Variants in TMEM63C observed in about 807,000 individuals in gnomAD.
TMEM63C encodes the protein osmosensitive cation channel TMEM63C.
Under a neutral mutation model 99.2 loss-of-function variants are expected in TMEM63C, and 32 were observed. That is an observed-to-expected ratio of 0.32 (90% CI 0.24 to 0.43). The LOEUF (loss-of-function observed/expected upper bound fraction) is 0.43, where lower values mean the gene tolerates loss of function less well. Ranked by LOEUF, TMEM63C falls within the 20% of genes least tolerant of loss-of-function variation. TMEM63C has a pLI of 1.00. For synonymous variants in TMEM63C, 376 were observed against 397.9 expected, an observed-to-expected ratio of 0.94 and a Z score of 0.66; for missense variants, 826 against 1,053.0, an observed-to-expected ratio of 0.78 and a Z score of 2.98.
chr14:77,218,737 C>G, intron 2 of TMEM63C, 64 bp from the exon 3 acceptor site: 1 of 1,554,412 alleles, frequency 6.4e-7, no homozygotes. Flanking sequence ...CCCCATCGGG[C>G]TTCTGTGTTT....
chr14:77,206,437 G>A (rs1044537818), intron 1 of TMEM63C, among the ~76,000 whole-genome samples: 1 of 152,256 alleles, frequency 6.6e-6, no homozygotes, highest in African/African-American at 2.4e-5. Flanking sequence ...TCAGGCAGAC[G>A]CCCAGGGACC....
chr14:77,218,910 C>A lies in TMEM63C; in HGVS notation c.97C>A (p.Gln33Lys). ...FQSRNTVLQGQPFGGVPTVLC... is the reference protein window; with the variant it reads ...FQSRNTVLQGKPFGGVPTVLC... ...GTCTCGGAACACCGTCCTCCAGGGG[C>A]AGCCCTTTGGGGGTGTCCCCACCGT... Residue 33 changes from glutamine to lysine, a missense_variant, in exon 3 of 24, where the codon CAG becomes AAG. Gln to Lys is a moderately conservative substitution (Grantham distance 53, BLOSUM62 1). Coordinates refer to ENST00000298351, the MANE Select transcript of TMEM63C (RefSeq NM_020431.4). 6.2e-7 allele frequency: 1 copy of A among 1,611,424 alleles called. No homozygotes were observed. The highest frequency in any genetic ancestry group is 8.5e-7 in the Non-Finnish European group (1 of 1,178,834).
At chr14:77,192,671 A>G (rs1013928248) in intron 1 of TMEM63C, among the ~76,000 whole-genome samples, 2 of 152,160 alleles carry the variant, frequency 1.3e-5, no homozygotes, top group Non-Finnish European at 2.9e-5. Context: ...CTGAGGCAGG[A>G]GAGTCACTTG....
At position 77,256,574 on chromosome 14, in the gene TMEM63C, G is replaced by A. The variant is rs544095975; in HGVS notation, c.2269G>A (p.Ala757Thr). Residue 757 changes from alanine to threonine, a missense_variant, in exon 24 of 24, where the codon GCC (alanine) becomes ACC (threonine). Transcript: ENST00000298351. The stretch of plus-strand genomic sequence containing the variant: ...AGAACCGGAGTTGAATCTGACCCCC[G>A]CCTCCTCCCCAGCCAGGCACACCTA... ...LQEPELNLTP[A>T]SSPARHTYGT... is the part of the protein sequence containing the mutation. The A allele has an allele frequency of 1.1e-5, 18 of 1,613,970 alleles. No individual in the cohort carries two copies. Among genetic ancestry groups the A allele is most frequent in the African/African-American group, 1.1e-4 (8 of 75,028 alleles).
At position 77,194,493 on chromosome 14, in the gene TMEM63C, T is replaced by TTTTCTTTC. The variant is rs756926975; in HGVS notation, c.-77+12653_-77+12660dup. Among the ~76,000 whole-genome samples the TTTTCTTTC allele has an allele frequency of 2.1e-3, 102 of 48,734 alleles. 1 individual carries two copies. The highest frequency in any genetic ancestry group is 6.2e-3 in the African/African-American group (96 of 15,430). 32.0% of individuals were successfully genotyped at this position (48,734 alleles called of 152,430 possible). ...CAGGGACATCCATGCCATATTTCTT[T>TTTTCTTTC]TTTCTTTCTTTCTTTCTTTCTTTCT... On this transcript the variant is annotated intron_variant, in intron 1 of 23. Coordinates refer to ENST00000298351, the MANE Select transcript of TMEM63C (RefSeq NM_020431.4).
intron 5 of TMEM63C, among the ~76,000 whole-genome samples, chr14:77,224,039 C>T (rs1594859691): frequency 6.6e-6 from 1 of 152,030 alleles, no homozygotes; most frequent in Non-Finnish European, 1.5e-5. Context: ...TATTTCCCTT[C>T]CTTGCTCTGA....
At chr14:77,239,807 G>C (rs1034236614) in intron 12 of TMEM63C, 81 bp downstream of exon 12, 1 of 1,539,498 alleles carries the variant, frequency 6.5e-7, no homozygotes, top group Non-Finnish European at 8.8e-7. Context: ...TGCCCGCACT[G>C]TTGGGCCCCA....
chr14:77,196,976 G>A (rs1393184916), intron 1 of TMEM63C, among the ~76,000 whole-genome samples: 1 of 152,156 alleles, frequency 6.6e-6, no homozygotes, highest in Non-Finnish European at 1.5e-5. Context: ...CTTTGCAAAA[G>A]GAACATTGAC....
At chr14:77,216,066 G>A (rs28520540) in intron 2 of TMEM63C, among the ~76,000 whole-genome samples, 2,699 of 152,176 alleles carry the variant, frequency 0.018, 88 homozygotes, top group African/African-American at 0.062. Context: ...GATAGAGAGG[G>A]AGATAGAGAG....
rs573779600 is a variant in TMEM63C at position 77,232,722 on chromosome 14, A to G, written c.494-730A>G. On this transcript the variant is annotated intron_variant, in intron 7 of 23. Coordinates refer to ENST00000298351, the MANE Select transcript of TMEM63C (RefSeq NM_020431.4). ...GATATACATAGTAGGTGCTCAATGA[A>G]TAGCAGCTAGTATTTCATTTAGAAT... Among the ~76,000 whole-genome samples, 3 of 152,354 alleles carry G rather than the reference A, an allele frequency of 2.0e-5. No homozygotes were observed. The East Asian group carries it at 5.8e-4, about 29-fold the overall frequency.
At chr14:77,183,282 G>A (rs573761985) in intron 1 of TMEM63C, among the ~76,000 whole-genome samples, 4 of 152,114 alleles carry the variant, frequency 2.6e-5, no homozygotes, top group African/African-American at 9.7e-5. Context: ...TCTTCTCTTC[G>A]CACCCCACAG....
chr14:77,202,096 G>T (rs1364853233), intron 1 of TMEM63C, among the ~76,000 whole-genome samples: 2 of 152,256 alleles, frequency 1.3e-5, no homozygotes, highest in Admixed American at 6.5e-5. Context: ...AACTAAGGGA[G>T]ACCCTGGAGA....
chr14:77,188,357 G>A (rs1377553238), intron 1 of TMEM63C, among the ~76,000 whole-genome samples: 4 of 152,180 alleles, frequency 2.6e-5, no homozygotes, highest in African/African-American at 2.4e-5. Context: ...CAAGGAAATG[G>A]CTTAATGACA....
At chr14:77,184,243 G>A (rs1035967769) in intron 1 of TMEM63C, among the ~76,000 whole-genome samples, 8 of 152,040 alleles carry the variant, frequency 5.3e-5, no homozygotes, top group African/African-American at 1.9e-4. Flanking sequence ...CTTCTAGGCT[G>A]GGAAGGCAGG....
chr14:77,201,291 G>C (rs986688108), intron 1 of TMEM63C, among the ~76,000 whole-genome samples: 1 of 152,226 alleles, frequency 6.6e-6, no homozygotes, highest in Non-Finnish European at 1.5e-5. Context: ...GTACCCACTA[G>C]AGCCTTGTGT....
At chr14:77,198,664 C>T (rs1566617234) in intron 1 of TMEM63C, among the ~76,000 whole-genome samples, 1 of 152,208 alleles carries the variant, frequency 6.6e-6, no homozygotes, top group South Asian at 2.1e-4. Context: ...TTGTCCTCGC[C>T]TGGCCTCCGC....
chr14:77,216,686 C>A (rs537265258), intron 2 of TMEM63C, among the ~76,000 whole-genome samples: 1 of 152,294 alleles, frequency 6.6e-6, no homozygotes, highest in South Asian at 2.1e-4. Context: ...TCTTTCACAT[C>A]CCCTATCTAA....
chr14:77,238,824 G>A (rs1338864158), intron 10 of TMEM63C, 57 bp downstream of exon 10: 1 of 1,413,772 alleles, frequency 7.1e-7, no homozygotes, highest in African/African-American at 1.4e-5. Flanking sequence ...AACCCCGCCT[G>A]GGTCCTCAAG....
At chr14:77,186,793 G>GTGTGTGTGTGTGTGTGTGTA (rs1483547692) in intron 1 of TMEM63C, among the ~76,000 whole-genome samples, 1 of 60,162 alleles carries the variant, frequency 1.7e-5, no homozygotes, top group African/African-American at 4.0e-5. Flanking sequence ...GTGTGTGTGT[G>GTGTGTGTGTGTGTGTGTGTA]TGTGTGTCTG....
Sources: allele counts gnomAD v4.1 joint callset (sites outside exome capture counted in the v4.1 genomes callset), GRCh38; gene constraint gnomAD v4.1.1; transcripts MANE v1.5; gene names NCBI Gene and HGNC (gene_info 2026-07-23, HGNC 2026-07-21).